MAGI1: variants seen among roughly 807,000 people sequenced by gnomAD.
MAGI1 encodes the protein membrane-associated guanylate kinase, WW and PDZ domain-containing protein 1.
In MAGI1, 58 loss-of-function variants were observed where a neutral mutation model predicts 139.9. That is an observed-to-expected ratio of 0.41 (90% CI 0.34 to 0.52). The LOEUF (loss-of-function observed/expected upper bound fraction) is 0.52, where lower values mean the gene tolerates loss of function less well. Among genes scored for constraint, MAGI1 ranks in the 20% least tolerant of loss-of-function variants. The pLI, the probability that MAGI1 is intolerant of heterozygous loss-of-function variation, is 0.12. For missense variants in MAGI1, 1,874 were observed against 1,901.6 expected (o/e 0.99, Z 0.27); for synonymous variants, 812 against 737.9 (o/e 1.10, Z -1.63).
At chr3:65,496,420 A>C (rs1254492418) in intron 2 of MAGI1, among the ~76,000 whole-genome samples, 1 of 152,092 alleles carries the variant, frequency 6.6e-6, no homozygotes, top group Non-Finnish European at 1.5e-5. Flanking sequence ...GCAAGAATAG[A>C]AGCAGGGGGA....
At chr3:65,986,474 G>A (rs1467608192) in intron 1 of MAGI1, among the ~76,000 whole-genome samples, 1 of 152,194 alleles carries the variant, frequency 6.6e-6, no homozygotes, top group Non-Finnish European at 1.5e-5. Context: ...AAGGGCAGGA[G>A]CAGGACAGCC....
Position 65,908,390 on chromosome 3 carries a change from A to G in MAGI1, c.313+129606T>C, listed in dbSNP as rs1221648713. 2.0e-5 allele frequency among the ~76,000 whole-genome samples: 3 copies of G among 151,168 alleles called. No individual in the cohort carries two copies. The East Asian group carries it at 5.8e-4, about 29-fold the overall frequency. On this transcript the variant is annotated intron_variant, in intron 1 of 22. Transcript: ENST00000402939. The stretch of plus-strand genomic sequence containing the variant: ...GCAATCTCAGCTCACTGCAACCTCC[A>G]CCTCCCGGGTTCAAGCAATTCTCTG...
intron 1 of MAGI1, among the ~76,000 whole-genome samples, chr3:65,623,938 T>G (rs373619128): frequency 6.6e-6 from 1 of 152,110 alleles, no homozygotes; most frequent in East Asian, 1.9e-4. Context: ...ACATGCCACA[T>G]GAAGCCACCC....
intron 1 of MAGI1, among the ~76,000 whole-genome samples, chr3:65,665,779 C>T (rs751932657): frequency 1.5e-4 from 23 of 152,108 alleles, no homozygotes; most frequent in Admixed American, 3.9e-4. Flanking sequence ...ATTTCAACAG[C>T]GGGGCCCAGA....
chr3:65,711,734 G>C (rs1255973861), intron 1 of MAGI1, among the ~76,000 whole-genome samples: 2 of 152,116 alleles, frequency 1.3e-5, no homozygotes, highest in African/African-American at 4.8e-5. Flanking sequence ...GGACACAGAG[G>C]GATAACAGCA....
intron 12 of MAGI1, among the ~76,000 whole-genome samples, chr3:65,425,767 CCTA>C (rs1946997034): frequency 6.6e-6 from 1 of 152,050 alleles, no homozygotes; most frequent in Non-Finnish European, 1.5e-5. Context: ...GAGTGTCACA[CCTA>C]CTGATAGGTG....
At chr3:65,479,334 C>T (rs973952507) in intron 3 of MAGI1, among the ~76,000 whole-genome samples, 5 of 152,108 alleles carry the variant, frequency 3.3e-5, no homozygotes. Context: ...CTCTCAGAGT[C>T]ATGCGGGGTA....
intron 14 of MAGI1, among the ~76,000 whole-genome samples, chr3:65,388,819 C>G (rs1171000874): frequency 2.0e-5 from 3 of 147,312 alleles, no homozygotes; most frequent in African/African-American, 7.5e-5. Context: ...AGGAACAAAA[C>G]TGGCACCATT....
chr3:65,955,263 T>G (rs1474439782), intron 1 of MAGI1, among the ~76,000 whole-genome samples: 2 of 152,130 alleles, frequency 1.3e-5, no homozygotes, highest in Non-Finnish European at 2.9e-5. Flanking sequence ...CCCAAAACTT[T>G]GGGAGGCCAA....
intron 1 of MAGI1, among the ~76,000 whole-genome samples, chr3:65,878,069 C>G (rs1348091555): frequency 6.6e-6 from 1 of 151,988 alleles, no homozygotes; most frequent in Non-Finnish European, 1.5e-5. Flanking sequence ...CATCATCACA[C>G]CACTGCACTC....
intron 2 of MAGI1, among the ~76,000 whole-genome samples, chr3:65,584,497 A>G (rs1185766543): frequency 6.6e-6 from 1 of 152,226 alleles, no homozygotes; most frequent in African/African-American, 2.4e-5. Flanking sequence ...TTACTTAGCA[A>G]TTACTCAAAG....
At chr3:65,633,286 A>C (rs1246040224) in intron 1 of MAGI1, among the ~76,000 whole-genome samples, 1 of 152,172 alleles carries the variant, frequency 6.6e-6, no homozygotes, top group East Asian at 1.9e-4. Flanking sequence ...CTCAACACAC[A>C]TGCAGAGATG....
At chr3:65,717,997 A>G (rs1043481543) in intron 1 of MAGI1, among the ~76,000 whole-genome samples, 1 of 152,208 alleles carries the variant, frequency 6.6e-6, no homozygotes, top group African/African-American at 2.4e-5. Flanking sequence ...CTGTCTAACC[A>G]AGTGGGCAGA....
At chr3:66,024,055 A>G (rs1479463651) in intron 1 of MAGI1, among the ~76,000 whole-genome samples, 1 of 152,136 alleles carries the variant, frequency 6.6e-6, no homozygotes, top group Non-Finnish European at 1.5e-5. Context: ...TGTACTATTC[A>G]TTTCAACACA....
intron 1 of MAGI1, among the ~76,000 whole-genome samples, chr3:65,758,484 A>G (rs775590200): frequency 6.6e-6 from 1 of 152,148 alleles, no homozygotes; most frequent in Non-Finnish European, 1.5e-5. Context: ...CATTCCCGTT[A>G]TCACATTTTA....
At chr3:65,977,814 T>C (rs1025451628) in intron 1 of MAGI1, among the ~76,000 whole-genome samples, 5 of 152,104 alleles carry the variant, frequency 3.3e-5, no homozygotes, top group Non-Finnish European at 7.3e-5. Flanking sequence ...GCCACATTCA[T>C]CTGCTAGTTC....
intron 1 of MAGI1, among the ~76,000 whole-genome samples, chr3:65,791,444 CTAA>C (rs2039765678): frequency 6.6e-6 from 1 of 152,076 alleles, no homozygotes. Context: ...TGAAAAAATA[CTAA>C]TATTAGAAAA....
intron 8 of MAGI1, 108 bp downstream of exon 8, chr3:65,442,683 TA>T: frequency 1.5e-6 from 1 of 674,618 alleles, no homozygotes; most frequent in East Asian, 2.6e-5. Flanking sequence ...ATAAAATTAA[TA>T]TTGTTAATTG....
intron 1 of MAGI1, among the ~76,000 whole-genome samples, chr3:65,752,897 C>T (rs1211789533): frequency 2.0e-5 from 3 of 152,162 alleles, no homozygotes; most frequent in Admixed American, 6.5e-5. Flanking sequence ...ATTTTCCACC[C>T]ACTGACCTCC....
Sources: gnomAD v4.1 joint callset for allele counts (sites outside exome capture counted in the v4.1 genomes callset) on GRCh38, gnomAD v4.1.1 for gene constraint, MANE v1.5 for transcripts, NCBI Gene and HGNC (gene_info 2026-07-23, HGNC 2026-07-21) for gene names.